The following ASPG variants were observed in gnomAD, a reference collection of about 807,000 sequenced individuals.
ASPG encodes the protein 60 kDa lysophospholipase.
Under a neutral mutation model 63.2 loss-of-function variants are expected in ASPG, and 53 were observed. The ratio of observed to expected loss-of-function variants is 0.84; its 90% CI spans 0.67 to 1.05. The LOEUF is 1.05. ASPG is among the 50% of genes least tolerant of loss of function. The pLI, the probability that ASPG is intolerant of heterozygous loss-of-function variation, is 0.00. For missense variants in ASPG, 741 were observed against 794.4 expected (o/e 0.93, Z 0.81); for synonymous variants, 370 against 355.0 (o/e 1.04, Z -0.48).
At chr14:104,103,090 C>T (rs1288606830) in intron 6 of ASPG, among the ~76,000 whole-genome samples, 1 of 152,234 alleles carries the variant, frequency 6.6e-6, no homozygotes, top group African/African-American at 2.4e-5. Flanking sequence ...GCTGGTTCGA[C>T]GATGCTGCCC....
intron 1 of ASPG, among the ~76,000 whole-genome samples, chr14:104,086,160 T>G (rs2036216933): frequency 6.6e-6 from 1 of 152,126 alleles, no homozygotes; most frequent in African/African-American, 2.4e-5. Context: ...TCCTGGAATA[T>G]GGGGCGGGAG....
At chr14:104,086,338 G>T (rs1361646028) in intron 1 of ASPG, among the ~76,000 whole-genome samples, 2 of 152,198 alleles carry the variant, frequency 1.3e-5, no homozygotes, top group Non-Finnish European at 1.5e-5. Flanking sequence ...CGATACTGGG[G>T]CTACCTGGCA....
At chr14:104,096,611 T>C (rs1253183973) in intron 4 of ASPG, among the ~76,000 whole-genome samples, 2 of 152,176 alleles carry the variant, frequency 1.3e-5, no homozygotes, top group Non-Finnish European at 2.9e-5. Flanking sequence ...GAGCAGAACA[T>C]CCCGTGGACC....
Position 104,109,332 on chromosome 14 carries a change from C to T in ASPG, c.1520+17C>T, listed in dbSNP as rs368936317. 410 of 1,593,874 alleles carry T rather than the reference C, an allele frequency of 2.6e-4. No individual in the cohort carries two copies. The highest frequency in any genetic ancestry group is 3.4e-4 in the Non-Finnish European group (393 of 1,169,316). On this transcript the variant is annotated intron_variant, in intron 13 of 15. Transcript: ENST00000551177. This position sits in a 1 kb window ranked among gnomAD's most constrained non-coding sequence, Gnocchi z 4.8. ...GCTGTGCAGGTGAGTGCAGCTAGAG[C>T]ACCTGCTCTTCCAGGGATGTGGGGG... is the stretch of plus-strand genomic sequence containing the variant.
chr14:104,102,788 G>C (rs56330884), intron 6 of ASPG, among the ~76,000 whole-genome samples: 15,941 of 152,200 alleles, frequency 0.1, 924 homozygotes, highest in Middle Eastern at 0.16. Context: ...GCGGCCTTCA[G>C]CTCGAGGACA....
At chr14:104,093,068 A>G in intron 2 of ASPG, 1 of 468,742 alleles carries the variant, frequency 2.1e-6, no homozygotes. Flanking sequence ...CCTTGCCCCC[A>G]GCATAGAGGT....
rs2037426238 is a variant in ASPG, at chr14:104,113,342, A to AGGTGGGCG, written c.*805_*812dup. On this transcript the variant is annotated 3_prime_UTR_variant, in exon 16 of 16. Coordinates refer to ENST00000551177, the MANE Select transcript of ASPG (RefSeq NM_001080464.3). ...GCCTGCCTGGTTGCACAGCCTGGGC[A>AGGTGGGCG]GGTGGGCGGGTGGGGCGGGCCCTGC... 1.3e-5 allele frequency: 1 copy of AGGTGGGCG among 77,104 alleles called. No homozygotes were observed. Among genetic ancestry groups the AGGTGGGCG allele is most frequent in the Non-Finnish European group, 2.9e-5 (1 of 34,176 alleles). 4.8% of individuals were successfully genotyped at this position (77,104 alleles called of 1,614,324 possible).
rs554164551 is a variant in ASPG at position 104,106,646 on chromosome 14, C to T, written c.1174-153C>T. 5.3e-5 allele frequency among the ~76,000 whole-genome samples: 8 copies of T among 152,164 alleles called. No individual in the cohort carries two copies. The South Asian group carries it at 8.3e-4, about 16-fold the overall frequency. The stretch of plus-strand genomic sequence containing the variant: ...TGGTGAGGCTCAACCCCAGGCCTTC[C>T]GATGTGGCAGCTCAGGTTCCTTCTC... On this transcript the variant is annotated intron_variant, in intron 10 of 15. Transcript: ENST00000551177.
chr14:104,111,925 G>A lies in ASPG; in HGVS notation c.1626G>A (p.Glu542=), dbSNP rs764988084. 6.4e-7 allele frequency: 1 copy of A among 1,554,158 alleles called. No individual in the cohort carries two copies. The highest frequency in any genetic ancestry group is 1.2e-5 in the South Asian group (1 of 84,130). The part of the protein sequence containing the change: ...YDGHSALHVA[E]AAGNLAVVAF... Reference sequence around the variant, plus strand: ...TCCCCACTGCTTCCCCATAGGCAGAGGCAGCCGGGAACCTGGCAGTGGTGG... The same window carrying A: ...TCCCCACTGCTTCCCCATAGGCAGAAGCAGCCGGGAACCTGGCAGTGGTGG... Residue 542 remains glutamate (E), a synonymous_variant, in exon 15 of 16, where the codon GAG becomes GAA. Coordinates refer to ENST00000551177, the MANE Select transcript of ASPG (RefSeq NM_001080464.3).
intron 3 of ASPG, among the ~76,000 whole-genome samples, chr14:104,095,267 G>A (rs1039291580): frequency 2.0e-5 from 3 of 152,230 alleles, no homozygotes; most frequent in Admixed American, 6.5e-5. Context: ...CCCTTGGAGG[G>A]ACTCATTCTC....
intron 6 of ASPG, among the ~76,000 whole-genome samples, chr14:104,099,379 C>T (rs561086936): frequency 1.3e-5 from 2 of 152,178 alleles, no homozygotes; most frequent in Admixed American, 1.3e-4. Context: ...CTGGTTCCGG[C>T]GGGCAGCCCA....
Position 104,114,735 on chromosome 14 carries a change from C to T in ASPG, c.*2191C>T, listed in dbSNP as rs1557012. ...CCGGGACAGACAGGCTTGGAGCGTT[C>T]GTGTCCTGCGCCGCGTTGGTGTGTT... On this transcript the variant is annotated 3_prime_UTR_variant, in exon 16 of 16. Transcript: ENST00000551177. 0.12 allele frequency: 18,829 copies of T among 152,218 alleles called. 1,310 individuals carry two copies. Among genetic ancestry groups the T allele is most frequent in the Non-Finnish European group, 0.17 (11,470 of 68,018 alleles). The allele number at this position is 152,218 out of a possible 1,614,324, so 9.4% of individuals were successfully genotyped here.
At chr14:104,104,170 A>G in intron 7 of ASPG, 134 bp from the exon 8 acceptor site, 2 of 1,020,368 alleles carry the variant, frequency 2.0e-6, no homozygotes, top group Non-Finnish European at 2.8e-6. Context: ...CAGGAGCCCC[A>G]CTGTCCCGGG....
At chr14:104,103,706 C>A in intron 7 of ASPG, 31 bp downstream of exon 7, 1 of 1,528,966 alleles carries the variant, frequency 6.5e-7, no homozygotes, top group Non-Finnish European at 8.8e-7. Context: ...CCTGCCCCTG[C>A]AGCCCTGAGC....
chr14:104,095,438 C>G, intron 3 of ASPG, 93 bp from the exon 4 acceptor site: 1 of 1,564,296 alleles, frequency 6.4e-7, no homozygotes, highest in Non-Finnish European at 8.7e-7. Context: ...CTGAGTCCTC[C>G]TCTCTGCATC....
At chr14:104,107,655 A>G (rs1190863458) in intron 12 of ASPG, among the ~76,000 whole-genome samples, 1 of 152,164 alleles carries the variant, frequency 6.6e-6, no homozygotes, top group Non-Finnish European at 1.5e-5. Flanking sequence ...AAAGCAGGCT[A>G]CGTGGCAGCA....
intron 1 of ASPG, among the ~76,000 whole-genome samples, chr14:104,088,687 G>A (rs2036286212): frequency 6.6e-6 from 1 of 152,212 alleles, no homozygotes; most frequent in African/African-American, 2.4e-5. Flanking sequence ...GGTTACTGCA[G>A]TGGCGTCTGT....
At position 104,106,880 on chromosome 14, in the gene ASPG, GC is replaced by G. The variant is rs756640339; in HGVS notation, c.1256del (p.Ala419GlyfsTer42). The G allele has an allele frequency of 1.4e-5, 22 of 1,582,482 alleles. No individual in the cohort carries two copies. Among genetic ancestry groups the G allele is most frequent in the Non-Finnish European group, 2.6e-6 (3 of 1,167,306 alleles). On this transcript the variant is annotated frameshift_variant, in exon 11 of 16. Coordinates refer to ENST00000551177, the MANE Select transcript of ASPG (RefSeq NM_001080464.3). LOFTEE classifies it high-confidence loss of function. ...AHAGDVEALQ[A>X]LVELGSDLGL... ...CGCCGGTGACGTGGAGGCGCTGCAG[GC>G]GCTTGTGGAGCTGGTGAGCCTCCCC...
intron 1 of ASPG, among the ~76,000 whole-genome samples, chr14:104,092,264 A>T (rs1424144304): frequency 6.6e-6 from 1 of 152,166 alleles, no homozygotes; most frequent in Non-Finnish European, 1.5e-5. Flanking sequence ...GTATATCCAC[A>T]GTGAGGCAAA....
Sources: gnomAD v4.1 joint callset for allele counts (sites outside exome capture counted in the v4.1 genomes callset) on GRCh38, gnomAD v4.1.1 for gene constraint, Gnocchi (gnomAD v3.1) non-coding constraint, MANE v1.5 for transcripts, NCBI Gene and HGNC (gene_info 2026-07-23, HGNC 2026-07-21) for gene names.